Variants in ADRA1D observed in about 807,000 individuals in gnomAD.
ADRA1D encodes the protein adrenoceptor alpha 1D.
Under a neutral mutation model 18.6 loss-of-function variants are expected in ADRA1D, and 22 were observed. That is an observed-to-expected ratio of 1.19 (90% CI 0.85 to 1.69). The LOEUF (loss-of-function observed/expected upper bound fraction) is 1.69, where lower values mean the gene tolerates loss of function less well. Ranked by LOEUF, ADRA1D falls within the 40% of genes most tolerant of loss-of-function variation. The pLI is 0.00. For missense variants in ADRA1D, 840 were observed against 840.7 expected, an observed-to-expected ratio of 1.00 and a Z score of 0.01; for synonymous variants, 376 against 388.2, an observed-to-expected ratio of 0.97 and a Z score of 0.37.
intron 1 of ADRA1D, among the ~76,000 whole-genome samples, chr20:4,240,977 C>A (rs1981198522): frequency 6.6e-6 from 1 of 152,028 alleles, no homozygotes; most frequent in Non-Finnish European, 1.5e-5. Context: ...ATGAAAAAAA[C>A]CCAACCCTAG....
chr20:4,237,112 G>C (rs943537744), intron 1 of ADRA1D, among the ~76,000 whole-genome samples: 6 of 152,170 alleles, frequency 3.9e-5, no homozygotes, highest in African/African-American at 1.4e-4. Context: ...ATCTGAAGGG[G>C]AGAGGGGTCT....
chr20:4,246,189 G>A (rs1457056077), intron 1 of ADRA1D, among the ~76,000 whole-genome samples: 3 of 152,172 alleles, frequency 2.0e-5, no homozygotes, highest in African/African-American at 4.8e-5. Flanking sequence ...GCTGAGTGCC[G>A]TGGACTCAGT....
chr20:4,224,391 C>T (rs1191100579), intron 1 of ADRA1D, among the ~76,000 whole-genome samples: 1 of 152,046 alleles, frequency 6.6e-6, no homozygotes, highest in Non-Finnish European at 1.5e-5. Context: ...CTCCTTTCCA[C>T]AAACATCTCC....
At chr20:4,242,189 T>C (rs1339542000) in intron 1 of ADRA1D, among the ~76,000 whole-genome samples, 1 of 152,244 alleles carries the variant, frequency 6.6e-6, no homozygotes, top group East Asian at 1.9e-4. Flanking sequence ...GTTTCAGACC[T>C]GGCTTATTTT....
At chr20:4,245,749 C>T (rs1026009541) in intron 1 of ADRA1D, among the ~76,000 whole-genome samples, 5 of 152,236 alleles carry the variant, frequency 3.3e-5, no homozygotes, top group African/African-American at 9.6e-5. Context: ...GAGCCCAGCA[C>T]AGCTGGGCAA....
Position 4,239,294 on chromosome 20 carries a change from T to A in ADRA1D, c.1111+8553A>T, listed in dbSNP as rs1981162685. On this transcript the variant is annotated intron_variant, in intron 1 of 1. Coordinates refer to ENST00000379453, the MANE Select transcript of ADRA1D (RefSeq NM_000678.4). This position sits in a 1 kb window ranked among gnomAD's most constrained non-coding sequence, Gnocchi z 4.9. ...GCAGGGTGATCAACAGTTCCTCAGA[T>A]GTTTGGGACAAACATATCAGCAGGA... Among the ~76,000 whole-genome samples the A allele has an allele frequency of 6.6e-6, 1 of 152,166 alleles. No individual in the cohort carries two copies. Among genetic ancestry groups the A allele is most frequent in the South Asian group, 2.1e-4 (1 of 4,826 alleles).
At chr20:4,235,802 C>T (rs998689575) in intron 1 of ADRA1D, among the ~76,000 whole-genome samples, 1 of 152,262 alleles carries the variant, frequency 6.6e-6, no homozygotes, top group South Asian at 2.1e-4. Flanking sequence ...TGAGGGAAGT[C>T]CTACCCTCCA....
Position 4,222,334 on chromosome 20 carries a change from G to GA in ADRA1D, c.1112-205dup. On this transcript the variant is annotated intron_variant, in intron 1 of 1. Coordinates refer to ENST00000379453, the MANE Select transcript of ADRA1D (RefSeq NM_000678.4). This position sits in a 1 kb window ranked among gnomAD's most constrained non-coding sequence, Gnocchi z 4.3. ...TTTTCACTCACCTCTACCTGATATT[G>GA]AGGATTACCTTCAATGAATGTAGGC... is the stretch of plus-strand genomic sequence containing the variant. The GA allele has an allele frequency of 1.6e-6, 1 of 631,066 alleles. No individual in the cohort carries two copies. The highest frequency in any genetic ancestry group is 2.4e-6 in the Non-Finnish European group (1 of 413,704). 39.1% of individuals were successfully genotyped at this position (631,066 alleles called of 1,614,324 possible).
At chr20:4,236,754 G>C (rs1981101832) in intron 1 of ADRA1D, among the ~76,000 whole-genome samples, 2 of 152,140 alleles carry the variant, frequency 1.3e-5, no homozygotes, top group Admixed American at 1.3e-4. Context: ...GAGGCAGGAG[G>C]CTCAGAGCCA....
Position 4,248,982 on chromosome 20 carries a change from G to T in ADRA1D, c.-25C>A. On this transcript the variant is annotated 5_prime_UTR_variant, in exon 1 of 2. Coordinates refer to ENST00000379453, the MANE Select transcript of ADRA1D (RefSeq NM_000678.4). ...TCTCAACGCGCGGCCGTCGGTGGCC[G>T]GGCCGGGGCACAGAACGAGCGGCCG... 2 of 1,318,284 alleles carry T rather than the reference G, an allele frequency of 1.5e-6. No homozygotes were observed. Among genetic ancestry groups the T allele is most frequent in the East Asian group, 3.8e-5 (1 of 26,116 alleles). 81.7% of individuals were successfully genotyped at this position (1,318,284 alleles called of 1,614,324 possible). A position where few individuals can be genotyped will look rare whatever the true frequency, so the allele number is the denominator to read the frequency against.
chr20:4,245,303 C>A (rs542395482), intron 1 of ADRA1D, among the ~76,000 whole-genome samples: 4 of 152,162 alleles, frequency 2.6e-5, no homozygotes, highest in Non-Finnish European at 5.9e-5. Flanking sequence ...AACGGTGATA[C>A]GCATGGCAAG....
At chr20:4,244,373 G>A (rs980586054) in intron 1 of ADRA1D, among the ~76,000 whole-genome samples, 8 of 152,182 alleles carry the variant, frequency 5.3e-5, no homozygotes, top group Admixed American at 5.2e-4. Context: ...CAGCCATCCT[G>A]CTCCTCCTGG....
intron 1 of ADRA1D, among the ~76,000 whole-genome samples, chr20:4,231,026 C>T (rs1349795354): frequency 3.3e-5 from 4 of 122,900 alleles, no homozygotes; most frequent in Non-Finnish European, 7.0e-5. Flanking sequence ...TTTTCTCTTT[C>T]TCTTTCTTTC....
chr20:4,248,648 C>A lies in ADRA1D; in HGVS notation c.310G>T (p.Ala104Ser), dbSNP rs1474556755. Reference sequence around the variant, plus strand: ...GCCACGGCCATAAGGATGAAGGCTGCCAGGAAGACGCCCACGCCCACGCCC... The same window carrying A: ...GCCACGGCCATAAGGATGAAGGCTGACAGGAAGACGCCCACGCCCACGCCC... ...AQGVGVGVFL[A>S]AFILMAVAGN... Residue 104 changes from alanine to serine, a missense_variant, in exon 1 of 2, where the codon GCA (alanine) becomes TCA (serine). Physicochemically the swap from Ala to Ser is moderately conservative, Grantham distance 99. Transcript: ENST00000379453. 8.7e-6 allele frequency: 14 copies of A among 1,611,266 alleles called. No individual in the cohort carries two copies. The highest frequency in any genetic ancestry group is 1.2e-5 in the Non-Finnish European group (14 of 1,179,112).
intron 1 of ADRA1D, among the ~76,000 whole-genome samples, chr20:4,238,193 C>T (rs1364194030): frequency 6.6e-6 from 1 of 151,788 alleles, no homozygotes; most frequent in Non-Finnish European, 1.5e-5. Context: ...GCAGAGGTTG[C>T]AGTGAGCGGA....
At chr20:4,237,542 G>A (rs544231305) in intron 1 of ADRA1D, among the ~76,000 whole-genome samples, 1 of 152,168 alleles carries the variant, frequency 6.6e-6, no homozygotes, top group South Asian at 2.1e-4. Context: ...GGCAGATCCA[G>A]GGAAGTGTGT....
intron 1 of ADRA1D, among the ~76,000 whole-genome samples, chr20:4,245,642 G>GA (rs576857108): frequency 1.6e-4 from 24 of 150,254 alleles, no homozygotes; most frequent in Non-Finnish European, 2.5e-4. Flanking sequence ...AAGTTAAAAG[G>GA]AAAAAAAAAC....
chr20:4,248,444 A>G lies in ADRA1D; in HGVS notation c.514T>C (p.Trp172Arg), dbSNP rs750315594. 1 of 1,612,204 alleles carries G rather than the reference A, an allele frequency of 6.2e-7. No individual in the cohort carries two copies. The highest frequency in any genetic ancestry group is 2.2e-5 in the East Asian group (1 of 44,814). ...WAFGRAFCDV[W>R]AAVDVLCCTA... ...CAGCACAGCACGTCCACGGCGGCCC[A>G]TACGTCGCAGAAGGCGCGGCCAAAG... Residue 172 changes from tryptophan (W) to arginine (R), a missense_variant, in exon 1 of 2, where the codon TGG (tryptophan) becomes CGG (arginine). Coordinates refer to ENST00000379453, the MANE Select transcript of ADRA1D (RefSeq NM_000678.4).
chr20:4,229,315 C>T lies in ADRA1D; in HGVS notation c.1112-7185G>A, dbSNP rs1478500676. Among the ~76,000 whole-genome samples the T allele has an allele frequency of 4.6e-5, 7 of 152,152 alleles. No individual in the cohort carries two copies. In the East Asian group the frequency reaches 1.4e-3, roughly 29 times the overall value. On this transcript the variant is annotated intron_variant, in intron 1 of 1. Transcript: ENST00000379453. ...TCACACTTATCCTGTCCTCATGAAGCTTACATTTCACTGGGGAAGACAGGA... is the reference window on the plus strand; with the variant it reads ...TCACACTTATCCTGTCCTCATGAAGTTTACATTTCACTGGGGAAGACAGGA...
Sources: gnomAD v4.1 joint callset for allele counts (sites outside exome capture counted in the v4.1 genomes callset) on GRCh38, gnomAD v4.1.1 for gene constraint, Gnocchi (gnomAD v3.1) non-coding constraint, MANE v1.5 for transcripts, NCBI Gene and HGNC (gene_info 2026-07-23, HGNC 2026-07-21) for gene names.